Variants in PDE8B observed in about 807,000 individuals in gnomAD.
PDE8B encodes the protein phosphodiesterase 8B, also known as high affinity cAMP-specific and IBMX-insensitive 3',5'-cyclic phosphodiesterase 8B.
PDE8B carries 26 observed loss-of-function variants against 101.3 expected under a neutral mutation model. The ratio of observed to expected loss-of-function variants is 0.26; its 90% CI spans 0.19 to 0.36. PDE8B has a LOEUF of 0.36. Ranked by LOEUF, PDE8B falls within the 10% of genes least tolerant of loss-of-function variation. The probability of loss-of-function intolerance (pLI) is 1.00; values close to 1 mark genes in which losing one functional copy is unlikely to be tolerated. For synonymous variants in PDE8B, 424 were observed against 429.3 expected (o/e 0.99, Z 0.15); for missense variants, 810 against 1,163.1 (o/e 0.70, Z 4.42).
chr5:77,091,351 T>A, the PDE8B span, among the ~76,000 whole-genome samples: 1 of 152,114 alleles, frequency 6.6e-6, no homozygotes, highest in Non-Finnish European at 1.5e-5. Context: ...AAGTAACTAG[T>A]ATAAATGGCC....
the PDE8B span, among the ~76,000 whole-genome samples, chr5:77,183,989 A>C: frequency 9.2e-5 from 14 of 151,552 alleles, no homozygotes; most frequent in East Asian, 1.9e-4. Flanking sequence ...TTAAAAAAAA[A>C]CAGAATCTCC....
chr5:77,198,485 G>A, the PDE8B span, among the ~76,000 whole-genome samples: 1 of 152,138 alleles, frequency 6.6e-6, no homozygotes, highest in Non-Finnish European at 1.5e-5. Context: ...AAGCCTGTCT[G>A]AGCCATGATT....
intron 16 of PDE8B, 103 bp from the exon 17 acceptor site, chr5:77,413,008 C>A: frequency 1.1e-6 from 1 of 914,986 alleles, no homozygotes; most frequent in Non-Finnish European, 1.8e-6. Flanking sequence ...GTGTGTGAAG[C>A]TATCATCAGA....
At chr5:77,106,591 A>T in the PDE8B span, among the ~76,000 whole-genome samples, 1 of 152,168 alleles carries the variant, frequency 6.6e-6, no homozygotes, top group African/African-American at 2.4e-5. Context: ...AATCATTTTA[A>T]TTTCTATATA....
At chr5:77,091,334 A>C in the PDE8B span, among the ~76,000 whole-genome samples, 1 of 152,220 alleles carries the variant, frequency 6.6e-6, no homozygotes, top group African/African-American at 2.4e-5. Flanking sequence ...AAAAAAATGA[A>C]AAAGAAAAGT....
At chr5:77,242,007 C>T (rs951877760) in intron 1 of PDE8B, among the ~76,000 whole-genome samples, 5 of 152,134 alleles carry the variant, frequency 3.3e-5, no homozygotes, top group Non-Finnish European at 5.9e-5. Flanking sequence ...AGGTGTATGC[C>T]GATGAGCCTC....
rs1349356164 is a variant in PDE8B at position 77,418,488 on chromosome 5, T to G, written c.2129+42T>G. 4.9e-6 allele frequency: 7 copies of G among 1,432,352 alleles called. No individual in the cohort carries two copies. The African/African-American group carries it at 8.4e-5, about 17-fold the overall frequency. 88.7% of individuals were successfully genotyped at this position (1,432,352 alleles called of 1,614,324 possible). On this transcript the variant is annotated intron_variant, in intron 18 of 21. Transcript: ENST00000264917. Reference sequence around the variant, plus strand: ...CTCCTGTGCTCAAGTTTGTGAAGTTTAAGTGGTTTTCCCAAATACTTAGCT... The same window carrying G: ...CTCCTGTGCTCAAGTTTGTGAAGTTGAAGTGGTTTTCCCAAATACTTAGCT...
the PDE8B span, among the ~76,000 whole-genome samples, chr5:77,157,049 T>C: frequency 6.6e-6 from 1 of 152,194 alleles, no homozygotes; most frequent in South Asian, 2.1e-4. Context: ...AGGGTGATCA[T>C]GGCTTCTGAG....
At chr5:77,149,183 A>C in the PDE8B span, among the ~76,000 whole-genome samples, 47 of 152,286 alleles carry the variant, frequency 3.1e-4, no homozygotes, top group East Asian at 8.3e-3. Context: ...CCATAAATGC[A>C]AGCGTTTATA....
the PDE8B span, among the ~76,000 whole-genome samples, chr5:77,179,781 G>A: frequency 6.6e-6 from 1 of 152,044 alleles, no homozygotes; most frequent in African/African-American, 2.4e-5. Context: ...GGCTGGTCTC[G>A]AATTCCTGGC....
chr5:77,175,609 T>A, the PDE8B span, among the ~76,000 whole-genome samples: 1 of 152,224 alleles, frequency 6.6e-6, no homozygotes, highest in African/African-American at 2.4e-5. Context: ...CAATGATCAT[T>A]TTCTTTTCTT....
chr5:77,418,145 A>G, intron 17 of PDE8B, 84 bp from the exon 18 acceptor site: 1 of 913,780 alleles, frequency 1.1e-6, no homozygotes, highest in Non-Finnish European at 1.8e-6. Context: ...AAATCCCCTG[A>G]CCCGACCCTC....
At chr5:77,425,639 T>G (rs1375826482) in intron 20 of PDE8B, 128 bp from the exon 21 acceptor site, 1 of 924,606 alleles carries the variant, frequency 1.1e-6, no homozygotes, top group Non-Finnish European at 1.8e-6. Flanking sequence ...AGGACCTTGC[T>G]GAGCCTATTT....
At chr5:77,325,943 T>C (rs969897161) in intron 3 of PDE8B, among the ~76,000 whole-genome samples, 1 of 152,160 alleles carries the variant, frequency 6.6e-6, no homozygotes, top group African/African-American at 2.4e-5. Flanking sequence ...TGTACTAAAT[T>C]TAGAGGTGTG....
At chr5:77,145,055 A>C in the PDE8B span, 1 of 152,090 alleles carries the variant, frequency 6.6e-6, no homozygotes, top group Non-Finnish European at 1.5e-5. Flanking sequence ...ATATTAGTTT[A>C]TAAACTAATT....
chr5:77,313,459 T>C (rs1018827470), intron 2 of PDE8B, among the ~76,000 whole-genome samples: 4 of 152,202 alleles, frequency 2.6e-5, no homozygotes, highest in African/African-American at 7.2e-5. Context: ...TACTCCAATT[T>C]TGAATAAAGG....
chr5:77,367,737 G>C (rs1220658242), intron 10 of PDE8B, among the ~76,000 whole-genome samples: 3 of 152,084 alleles, frequency 2.0e-5, no homozygotes, highest in Non-Finnish European at 4.4e-5. Context: ...CACCATGTTG[G>C]CCAGGATGGT....
intron 14 of PDE8B, 24 bp downstream of exon 14, chr5:77,409,081 AAAGC>A: frequency 2.5e-6 from 4 of 1,609,338 alleles, no homozygotes; most frequent in Non-Finnish European, 3.4e-6. Flanking sequence ...CAAAACCTGA[AAAGC>A]AAGAGAGGTA....
intron 12 of PDE8B, among the ~76,000 whole-genome samples, chr5:77,405,501 G>A (rs141936526): frequency 6.6e-6 from 1 of 152,288 alleles, no homozygotes; most frequent in African/African-American, 2.4e-5. Flanking sequence ...GGTACTCGGG[G>A]CTATAGATGT....
Sources: gnomAD v4.1 joint callset for allele counts (sites outside exome capture counted in the v4.1 genomes callset) on GRCh38, gnomAD v4.1.1 for gene constraint, MANE v1.5 for transcripts, NCBI Gene and HGNC (gene_info 2026-07-23, HGNC 2026-07-21) for gene names.